ACTR3C: variants seen among roughly 807,000 people sequenced by gnomAD.
The protein encoded by ACTR3C is actin related protein 3C.
Under a neutral mutation model 26.3 loss-of-function variants are expected in ACTR3C, and 18 were observed. That is an observed-to-expected ratio of 0.68 (90% CI 0.47 to 1.01). The LOEUF is 1.01. Among genes scored for constraint, ACTR3C ranks in the 50% least tolerant of loss-of-function variants. The pLI, the probability that ACTR3C is intolerant of heterozygous loss-of-function variation, is 0.00. For missense variants in ACTR3C, 184 were observed against 250.7 expected, an observed-to-expected ratio of 0.73 and a Z score of 1.80; for synonymous variants, 55 against 94.5, an observed-to-expected ratio of 0.58 and a Z score of 2.42.
the ACTR3C span, among the ~76,000 whole-genome samples, chr7:149,954,081 T>C: frequency 6.8e-6 from 1 of 146,184 alleles, no homozygotes; most frequent in Non-Finnish European, 1.5e-5. Context: ...ATTTTTGTTT[T>C]CCCATCTTGT....
chr7:150,037,456 G>T, the ACTR3C span, among the ~76,000 whole-genome samples: 9 of 57,332 alleles, frequency 1.6e-4, 2 homozygotes, highest in African/African-American at 4.7e-4. Flanking sequence ...CCTCGCGGGG[G>T]GTGCCTCCCC....
the ACTR3C span, among the ~76,000 whole-genome samples, chr7:150,037,720 CAGGGGGGAAGAG>C: frequency 3.4e-5 from 3 of 87,810 alleles, no homozygotes; most frequent in African/African-American, 4.9e-5. Context: ...GGTCCTAAGC[CAGGGGGGAAGAG>C]GGTCTGGCTC....
the ACTR3C span, among the ~76,000 whole-genome samples, chr7:149,918,659 C>T: frequency 1.3e-5 from 2 of 152,206 alleles, no homozygotes; most frequent in Non-Finnish European, 2.9e-5. Context: ...CATTGCACTC[C>T]AGCCTGGGCA....
chr7:150,172,870 T>C, the ACTR3C span, among the ~76,000 whole-genome samples: 2 of 150,656 alleles, frequency 1.3e-5, no homozygotes, highest in Non-Finnish European at 2.9e-5. Context: ...CAGTCAAATT[T>C]TAGGGCTCCA....
the ACTR3C span, among the ~76,000 whole-genome samples, chr7:149,996,352 C>T: frequency 6.0e-5 from 9 of 150,136 alleles, no homozygotes; most frequent in South Asian, 4.3e-4. Flanking sequence ...CTTGGCATGA[C>T]GGGGGATGGG....
Position 150,274,316 on chromosome 7 carries a change from C to T in ACTR3C, c.564+10437G>A, listed in dbSNP as rs1258572952. ...CGCCATTTTCCCAAAAGCACACGCT[C>T]ACTTCGTGTCTCTGTATCAGCATAT... On this transcript the variant is annotated intron_variant, in intron 6 of 7. Transcript: ENST00000683684. This position sits in a 1 kb window ranked among gnomAD's most constrained non-coding sequence, Gnocchi z 4.1. Among the ~76,000 whole-genome samples the T allele has an allele frequency of 6.6e-6, 1 of 152,192 alleles. No homozygotes were observed. The highest frequency in any genetic ancestry group is 1.5e-5 in the Non-Finnish European group (1 of 68,040).
chr7:150,038,246 G>A, the ACTR3C span, among the ~76,000 whole-genome samples: 12 of 144,578 alleles, frequency 8.3e-5, 3 homozygotes, highest in African/African-American at 2.6e-4. Flanking sequence ...TCAAATAGGG[G>A]GGCCATCCTT....
At chr7:150,109,410 A>AT in the ACTR3C span, among the ~76,000 whole-genome samples, 1,174 of 151,472 alleles carry the variant, frequency 7.8e-3, 29 homozygotes, top group South Asian at 0.033. Flanking sequence ...ATATATAAGT[A>AT]TTTTTTTTTA....
At chr7:150,035,344 G>A in the ACTR3C span, among the ~76,000 whole-genome samples, 198 of 56,404 alleles carry the variant, frequency 3.5e-3, 57 homozygotes, top group Non-Finnish European at 5.1e-3. Flanking sequence ...AGAGGGGATA[G>A]CTCTCAGTCC....
chr7:150,045,053 G>T, the ACTR3C span: 1 of 152,308 alleles, frequency 6.6e-6, no homozygotes, highest in Admixed American at 6.5e-5. Flanking sequence ...GAGGTTGTCA[G>T]CAGGTGCAAG....
At chr7:150,072,051 T>C in the ACTR3C span, among the ~76,000 whole-genome samples, 2 of 144,878 alleles carry the variant, frequency 1.4e-5, no homozygotes, top group Admixed American at 1.4e-4. Context: ...GCCACAGGGA[T>C]CCTTTCTATC....
chr7:150,279,237 C>G (rs909048976), intron 6 of ACTR3C, among the ~76,000 whole-genome samples: 11 of 152,084 alleles, frequency 7.2e-5, no homozygotes, highest in Non-Finnish European at 1.6e-4. Flanking sequence ...CCCAGGAGGT[C>G]GAGGCTGCAG....
At chr7:149,937,241 G>A in the ACTR3C span, among the ~76,000 whole-genome samples, 4 of 132,354 alleles carry the variant, frequency 3.0e-5, no homozygotes, top group African/African-American at 8.5e-5. Flanking sequence ...AGGCAGTGCC[G>A]TGCCTGATGG....
At position 150,247,705 on chromosome 7, in the gene ACTR3C, C is replaced by T. The variant is rs1832541397; in HGVS notation, c.*39-136G>A. 3.5e-5 allele frequency: 5 copies of T among 144,296 alleles called. No homozygotes were observed. In the South Asian group the frequency reaches 1.2e-3, roughly 35 times the overall value. The allele number at this position is 144,296 out of a possible 1,614,324, so 8.9% of individuals were successfully genotyped here. On this transcript the variant is annotated intron_variant, in intron 7 of 7. Coordinates refer to ENST00000683684, the MANE Select transcript of ACTR3C (RefSeq NM_001164458.2). ...GAACTGTAATCTCCACTCTTGGAGG[C>T]GGGGCCTGGTGGGGGTGTTTATATC...
chr7:150,108,883 G>A, the ACTR3C span, among the ~76,000 whole-genome samples: 10 of 151,550 alleles, frequency 6.6e-5, no homozygotes, highest in Non-Finnish European at 1.2e-4. Flanking sequence ...AGGACTGAGA[G>A]TAAGGTGCTG....
At chr7:149,919,519 C>T in the ACTR3C span, among the ~76,000 whole-genome samples, 3 of 152,264 alleles carry the variant, frequency 2.0e-5, no homozygotes, top group Admixed American at 6.5e-5. Context: ...GGATTACAGG[C>T]GTGAGCCACC....
chr7:150,260,418 TA>T (rs1833558326), intron 6 of ACTR3C, among the ~76,000 whole-genome samples: 1 of 152,168 alleles, frequency 6.6e-6, no homozygotes, highest in African/African-American at 2.4e-5. Context: ...GTAATTGGAG[TA>T]GATAGTTTCT....
chr7:150,249,108 A>G, intron 6 of ACTR3C, 54 bp from the exon 7 acceptor site: 1 of 564,910 alleles, frequency 1.8e-6, no homozygotes, highest in East Asian at 2.9e-5. Context: ...GGTCAATAAC[A>G]AAAGAGCTCA....
the ACTR3C span, chr7:150,002,549 T>C: frequency 6.6e-6 from 1 of 152,188 alleles, no homozygotes; most frequent in Non-Finnish European, 1.5e-5. Flanking sequence ...CAATCAATGT[T>C]TATGAATTTG....
Sources: allele counts gnomAD v4.1 joint callset (sites outside exome capture counted in the v4.1 genomes callset), GRCh38; gene constraint gnomAD v4.1.1; non-coding constraint Gnocchi (gnomAD v3.1); transcripts MANE v1.5; gene names NCBI Gene and HGNC (gene_info 2026-07-23, HGNC 2026-07-21).